The following CACNA2D2 variants were observed in gnomAD, a reference collection of about 807,000 sequenced individuals.
CACNA2D2 encodes calcium voltage-gated channel auxiliary subunit alpha2delta 2, also known as voltage-dependent calcium channel subunit alpha-2/delta-2.
A neutral mutation model predicts 166.4 loss-of-function variants in CACNA2D2; 48 were observed. The ratio of observed to expected loss-of-function variants is 0.29; its 90% confidence interval spans 0.23 to 0.37. The LOEUF (loss-of-function observed/expected upper bound fraction) is 0.37, where lower values mean the gene tolerates loss of function less well. CACNA2D2 is among the 10% of genes least tolerant of loss of function. CACNA2D2 has a pLI of 1.00. For missense variants in CACNA2D2, 1,122 were observed against 1,433.0 expected (o/e 0.78, Z 3.50); for synonymous variants, 561 against 573.7 (o/e 0.98, Z 0.32).
chr3:50,471,278 G>C (rs1163557801), intron 2 of CACNA2D2, among the ~76,000 whole-genome samples: 1 of 152,092 alleles, frequency 6.6e-6, no homozygotes, highest in African/African-American at 2.4e-5. Flanking sequence ...CGGTGCGTCA[G>C]TGCGACAGCC....
chr3:50,431,623 T>C (rs1708068570), intron 3 of CACNA2D2, among the ~76,000 whole-genome samples: 1 of 152,202 alleles, frequency 6.6e-6, no homozygotes, highest in Non-Finnish European at 1.5e-5. Flanking sequence ...GAATGATGCA[T>C]GATAGACTCA....
At chr3:50,476,567 G>A (rs969188164) in intron 1 of CACNA2D2, among the ~76,000 whole-genome samples, 7 of 152,256 alleles carry the variant, frequency 4.6e-5, no homozygotes, top group African/African-American at 1.7e-4. Flanking sequence ...AGGGAGACAT[G>A]AGGGAGCCTC....
chr3:50,440,993 C>T (rs1192943423), intron 2 of CACNA2D2, among the ~76,000 whole-genome samples: 1 of 151,972 alleles, frequency 6.6e-6, no homozygotes, highest in Non-Finnish European at 1.5e-5. Flanking sequence ...AGCAGTAGCG[C>T]CAGGTGCAAA....
rs587671754 is a variant in CACNA2D2, at chr3:50,369,152, G to A, written c.2046-917C>T. On this transcript the variant is annotated intron_variant, in intron 23 of 37. Transcript: ENST00000424201. The stretch of plus-strand genomic sequence containing the variant: ...TACAGCCTGCACCTCTGTGCCTAGA[G>A]GCCACATTGGACACACCCAGGGTGA... 5.4e-4 allele frequency among the ~76,000 whole-genome samples: 82 copies of A among 152,316 alleles called. 2 individuals carry two copies. The South Asian group carries it at 0.016, about 30-fold the overall frequency.
chr3:50,432,816 G>A (rs1232521631), intron 3 of CACNA2D2, among the ~76,000 whole-genome samples: 1 of 152,208 alleles, frequency 6.6e-6, no homozygotes. Flanking sequence ...GTCACATAGG[G>A]ACAGGCAGGG....
In CACNA2D2 at chr3:50,435,379, T is replaced by C. The variant is rs1304448486; in HGVS notation, c.289-950A>G. 2.0e-5 allele frequency among the ~76,000 whole-genome samples: 3 copies of C among 151,934 alleles called. No homozygotes were observed. In the East Asian group the frequency reaches 5.8e-4, roughly 29 times the overall value. On this transcript the variant is annotated intron_variant, in intron 2 of 37. Transcript: ENST00000424201. ...GTCTCCAAGCCTGACTGGGTCCATG[T>C]GTTCATTCAGGTGACCCAAGGAGGT...
chr3:50,483,758 T>C (rs1698159702), intron 1 of CACNA2D2, among the ~76,000 whole-genome samples: 1 of 152,170 alleles, frequency 6.6e-6, no homozygotes, highest in South Asian at 2.1e-4. Flanking sequence ...GAGGCCTCCA[T>C]GGACCATTTA....
At position 50,366,906 on chromosome 3, in the gene CACNA2D2, C is replaced by G; in HGVS notation, c.2514G>C (p.Lys838Asn). The G allele has an allele frequency of 6.2e-7, 1 of 1,613,732 alleles. No homozygotes were observed. Among genetic ancestry groups the G allele is most frequent in the Non-Finnish European group, 8.5e-7 (1 of 1,180,020 alleles). ...RTLRPAVVGV[K>N]LDLEAWAEKF... is the part of the protein sequence containing the mutation. ...TCTCAGCCCAAGCCTCTAGGTCCAG[C>G]TTGACGCCCACCACTTTGGGGGAGA... The change falls in exon 29 of 38, where the codon AAG becomes AAC. Residue 838 changes from lysine (K) to asparagine (N), a missense_variant. Physicochemically the swap from Lys to Asn is moderately conservative, Grantham distance 94 (BLOSUM62 0). Coordinates refer to ENST00000424201, the MANE Select transcript of CACNA2D2 (RefSeq NM_006030.4). The surrounding 1 kb of genome is among the most constrained non-coding windows in gnomAD (Gnocchi z 5.9).
rs543106772 is a variant in CACNA2D2 at position 50,468,045 on chromosome 3, G to A, written c.288+8073C>T. On this transcript the variant is annotated intron_variant, in intron 2 of 37. Transcript: ENST00000424201. ...CCATGAATCCGAGGCAAGTGTCTCC[G>A]TGGCTGCCACTGATCCAGCAATGAA... is the stretch of plus-strand genomic sequence containing the variant. Among the ~76,000 whole-genome samples, 38 of 152,266 alleles carry A rather than the reference G, an allele frequency of 2.5e-4. 1 individual carries two copies. The highest frequency in any genetic ancestry group is 8.2e-4 in the African/African-American group (34 of 41,554).
chr3:50,475,118 C>A (rs1710253669), intron 2 of CACNA2D2, among the ~76,000 whole-genome samples: 2 of 152,170 alleles, frequency 1.3e-5, no homozygotes, highest in Non-Finnish European at 1.5e-5. Context: ...GCCACCCCCA[C>A]TTCCTGGGCA....
chr3:50,393,539 C>T (rs1390228087), intron 4 of CACNA2D2, among the ~76,000 whole-genome samples: 1 of 152,236 alleles, frequency 6.6e-6, no homozygotes, highest in African/African-American at 2.4e-5. Flanking sequence ...CCCTCACACA[C>T]TAGATCCTCT....
chr3:50,384,324 C>T lies in CACNA2D2; in HGVS notation c.524G>A (p.Ser175Asn). Residue 175 changes from serine (S) to asparagine (N), a missense_variant, in exon 6 of 38, where the codon AGT becomes AAT. By Grantham distance (46) the Ser-to-Asn change is conservative (BLOSUM62 1). Transcript: ENST00000424201. ...CTTAGACCCCCTTTCCACATCCTCACTCTCAGGGTCGTCCTGCAGAAAGGG... is the reference window on the plus strand; with the variant it reads ...CTTAGACCCCCTTTCCACATCCTCATTCTCAGGGTCGTCCTGCAGAAAGGG... The part of the protein sequence containing the change: ...KADAELDDPE[S>N]EDVERGSKAS... The T allele has an allele frequency of 6.2e-7, 1 of 1,613,564 alleles. No individual in the cohort carries two copies. Among genetic ancestry groups the T allele is most frequent in the Non-Finnish European group, 8.5e-7 (1 of 1,179,568 alleles).
chr3:50,471,204 G>C lies in CACNA2D2; in HGVS notation c.288+4914C>G, dbSNP rs556042902. Among the ~76,000 whole-genome samples the C allele has an allele frequency of 4.6e-5, 7 of 152,042 alleles. No homozygotes were observed. In the South Asian group the frequency reaches 1.5e-3, roughly 32 times the overall value. ...GCAAGTGCAGAGCCTGGAGATGCTGGCTTCAAGGCTGCGGGAGCCCTGCAG... is the reference window on the plus strand; with the variant it reads ...GCAAGTGCAGAGCCTGGAGATGCTGCCTTCAAGGCTGCGGGAGCCCTGCAG... On this transcript the variant is annotated intron_variant, in intron 2 of 37. Coordinates refer to ENST00000424201, the MANE Select transcript of CACNA2D2 (RefSeq NM_006030.4).
Position 50,379,077 on chromosome 3 carries a change from T to C in CACNA2D2, c.1260+15A>G, listed in dbSNP as rs587611382. The C allele has an allele frequency of 1.2e-6, 2 of 1,613,452 alleles. No homozygotes were observed. The highest frequency in any genetic ancestry group is 2.7e-5 in the African/African-American group (2 of 75,008). Reference sequence around the variant, plus strand: ...GGCCCAGGTCAGGGTAGCCCCTGCCTCGGTTGAGCCTCACCGTCCGGTTTG... The same window carrying C: ...GGCCCAGGTCAGGGTAGCCCCTGCCCCGGTTGAGCCTCACCGTCCGGTTTG... On this transcript the variant is annotated intron_variant, in intron 12 of 37. Transcript: ENST00000424201. This position sits in a 1 kb window ranked among gnomAD's most constrained non-coding sequence, Gnocchi z 6.5.
Position 50,367,608 on chromosome 3 carries a change from G to A in CACNA2D2, c.2297+34C>T. On this transcript the variant is annotated intron_variant, in intron 26 of 37. Transcript: ENST00000424201. This position sits in a 1 kb window ranked among gnomAD's most constrained non-coding sequence, Gnocchi z 6.5. ...AGAACAGATGCAGGTTCCCTGGCAG[G>A]GGCAGGGTTTGGGTAGTGGGATAGG... 1.2e-6 allele frequency: 2 copies of A among 1,608,462 alleles called. No individual in the cohort carries two copies. The highest frequency in any genetic ancestry group is 2.2e-5 in the South Asian group (2 of 90,972).
chr3:50,414,840 G>A (rs1018796917), intron 3 of CACNA2D2, among the ~76,000 whole-genome samples: 1 of 152,208 alleles, frequency 6.6e-6, no homozygotes, highest in East Asian at 1.9e-4. Flanking sequence ...CCAGGCCGGC[G>A]GCGCAGGGCT....
chr3:50,366,655 C>G lies in CACNA2D2; in HGVS notation c.2590-30G>C. The G allele has an allele frequency of 6.2e-7, 1 of 1,613,482 alleles. No individual in the cohort carries two copies. Among genetic ancestry groups the G allele is most frequent in the Non-Finnish European group, 8.5e-7 (1 of 1,179,748 alleles). On this transcript the variant is annotated intron_variant, in intron 29 of 37. Transcript: ENST00000424201. The surrounding 1 kb of genome is among the most constrained non-coding windows in gnomAD (Gnocchi z 5.9). Reference sequence around the variant, plus strand: ...TGGGCAGAGAGTGAGGACCGTAAGCCACCCACCAGTTTTCCTCCCTCCCAT... The same window carrying G: ...TGGGCAGAGAGTGAGGACCGTAAGCGACCCACCAGTTTTCCTCCCTCCCAT...
chr3:50,492,518 G>A (rs560429603), intron 1 of CACNA2D2, among the ~76,000 whole-genome samples: 7 of 152,316 alleles, frequency 4.6e-5, no homozygotes, highest in Admixed American at 3.9e-4. Flanking sequence ...CCCTCTCCAG[G>A]CCTCGGTTTC....
chr3:50,422,144 C>T (rs983244978), intron 3 of CACNA2D2, among the ~76,000 whole-genome samples: 4 of 152,088 alleles, frequency 2.6e-5, no homozygotes, highest in Admixed American at 2.0e-4. Context: ...GAGTCAACCC[C>T]GACATCCCTG....
Sources: allele counts gnomAD v4.1 joint callset (sites outside exome capture counted in the v4.1 genomes callset), GRCh38; gene constraint gnomAD v4.1.1; non-coding constraint Gnocchi (gnomAD v3.1); transcripts MANE v1.5; gene names NCBI Gene and HGNC (gene_info 2026-07-23, HGNC 2026-07-21).